COL4A4: variants seen among roughly 807,000 people sequenced by gnomAD.
COL4A4 encodes the protein collagen alpha-4(IV) chain.
A neutral mutation model predicts 192.9 loss-of-function variants in COL4A4; 105 were observed. That is an observed-to-expected ratio of 0.54 (90% confidence interval 0.46 to 0.64). The LOEUF is 0.64. Among genes scored for constraint, COL4A4 ranks in the 30% least tolerant of loss-of-function variants. The pLI is 0.00. For missense variants in COL4A4, 1,967 were observed against 2,169.3 expected, an observed-to-expected ratio of 0.91 and a Z score of 1.85; for synonymous variants, 762 against 769.9, an observed-to-expected ratio of 0.99 and a Z score of 0.17.
chr2:227,136,904 G>A (rs115820708), intron 4 of COL4A4, among the ~76,000 whole-genome samples: 16 of 120,420 alleles, frequency 1.3e-4, no homozygotes, highest in East Asian at 1.3e-3. Flanking sequence ...ATAGTCCCCC[G>A]TGAGCTGTCA....
chr2:227,033,821 A>C (rs1279218325), intron 37 of COL4A4, among the ~76,000 whole-genome samples: 1 of 152,198 alleles, frequency 6.6e-6, no homozygotes, highest in Non-Finnish European at 1.5e-5. Flanking sequence ...ATCACCCTAC[A>C]TGAGGAAAGA....
At chr2:227,102,594 C>T (rs558627338) in intron 15 of COL4A4, among the ~76,000 whole-genome samples, 195 bp downstream of exon 15, 1 of 152,152 alleles carries the variant, frequency 6.6e-6, no homozygotes, top group South Asian at 2.1e-4. Context: ...TTTTGCTTGC[C>T]TGTTTTATCT....
At chr2:227,002,668 C>T (rs889811045), downstream of COL4A4, 6 of 152,600 alleles carry the variant, frequency 3.9e-5, no homozygotes, top group African/African-American at 1.4e-4. Context: ...AAAGTAAACC[C>T]GCATTGGCTT....
intron 45 of COL4A4, 95 bp downstream of exon 45, chr2:227,012,086 G>A (rs960068962): frequency 1.0e-6 from 1 of 955,638 alleles, no homozygotes; most frequent in South Asian, 1.3e-5. Context: ...ATCTGAATAG[G>A]ATCCAGTTTG....
At position 227,039,463 on chromosome 2, in the gene COL4A4, G is replaced by A. The variant is rs577506918; in HGVS notation, c.3505+2685C>T. On this transcript the variant is annotated intron_variant, in intron 37 of 47. Transcript: ENST00000396625. ...TGTGATTACAGGCATTAGCCACCACGTCGGCCAGCTATTAGTTTTGTAATA... is the reference window on the plus strand; with the variant it reads ...TGTGATTACAGGCATTAGCCACCACATCGGCCAGCTATTAGTTTTGTAATA... 2.3e-4 allele frequency among the ~76,000 whole-genome samples: 35 copies of A among 152,282 alleles called. No homozygotes were observed. The East Asian group carries it at 3.1e-3, about 13-fold the overall frequency.
intron 20 of COL4A4, among the ~76,000 whole-genome samples, chr2:227,090,354 T>C (rs563693660): frequency 1.6e-4 from 25 of 152,184 alleles, no homozygotes; most frequent in African/African-American, 5.8e-4. Context: ...GCAGAGCTTA[T>C]AGAAATAAAA....
chr2:227,103,863 C>T (rs1326695275), intron 13 of COL4A4, 109 bp downstream of exon 13: 1 of 800,482 alleles, frequency 1.2e-6, no homozygotes, highest in Admixed American at 2.0e-5. Flanking sequence ...AGGTTTGAAA[C>T]TAGTGCAGTG....
intron 37 of COL4A4, among the ~76,000 whole-genome samples, chr2:227,037,008 A>G (rs752582066): frequency 4.6e-5 from 7 of 152,102 alleles, no homozygotes; most frequent in Non-Finnish European, 8.8e-5. Context: ...TTTCAATCTT[A>G]TATTACTTTC....
intron 12 of COL4A4, among the ~76,000 whole-genome samples, chr2:227,104,437 C>G (rs1389480827): frequency 8.9e-6 from 1 of 112,192 alleles, no homozygotes; most frequent in African/African-American, 3.8e-5. Flanking sequence ...AAAAAATTAG[C>G]CGGGCGTGGT....
intron 14 of COL4A4, 127 bp downstream of exon 14, chr2:227,103,017 G>T: frequency 9.5e-7 from 1 of 1,051,744 alleles, no homozygotes; most frequent in Non-Finnish European, 1.4e-6. Flanking sequence ...ATTATGATAA[G>T]ATAGTGAAAA....
chr2:227,037,376 G>A lies in COL4A4; in HGVS notation c.3506-3895C>T, dbSNP rs181175554. On this transcript the variant is annotated intron_variant, in intron 37 of 47. Transcript: ENST00000396625. ...CTGTGTTAGTTTGCTGAGAATGATG[G>A]TTTTCAGCTTCATCCATGTCCCTGC... Among the ~76,000 whole-genome samples the A allele has an allele frequency of 5.9e-5, 9 of 152,198 alleles. No individual in the cohort carries two copies. The East Asian group carries it at 1.5e-3, about 26-fold the overall frequency.
intron 25 of COL4A4, among the ~76,000 whole-genome samples, chr2:227,069,522 T>G (rs531332538): frequency 6.6e-6 from 1 of 151,754 alleles, no homozygotes; most frequent in Admixed American, 6.6e-5. Context: ...AAAACAGAGA[T>G]ATAGATCAAT....
chr2:226,993,893 T>C, the COL4A4 span, among the ~76,000 whole-genome samples: 66,525 of 152,124 alleles, frequency 0.44, 14,663 homozygotes, highest in South Asian at 0.58. Context: ...TATGCATAGA[T>C]GGACACATCT....
rs746238323 is a variant in COL4A4, at chr2:227,008,338, A to G, written c.4523-34T>C. On this transcript the variant is annotated intron_variant, in intron 46 of 47. Coordinates refer to ENST00000396625, the MANE Select transcript of COL4A4 (RefSeq NM_000092.5). Reference sequence around the variant, plus strand: ...GGGAAGAAGAGACAGCTGGTGTCCAAGCACCCCATGTAGGTGTTCCCAGAC... The same window carrying G: ...GGGAAGAAGAGACAGCTGGTGTCCAGGCACCCCATGTAGGTGTTCCCAGAC... 5.0e-6 allele frequency: 8 copies of G among 1,610,222 alleles called. No homozygotes were observed. The Admixed American group carries it at 6.7e-5, about 13-fold the overall frequency.
intron 12 of COL4A4, among the ~76,000 whole-genome samples, chr2:227,105,706 T>C (rs551804760): frequency 1.3e-4 from 20 of 152,240 alleles, no homozygotes; most frequent in Admixed American, 2.6e-4. Flanking sequence ...ACTATTATTC[T>C]ACACTTAGTA....
chr2:226,976,207 G>T, the COL4A4 span, among the ~76,000 whole-genome samples: 63,418 of 147,746 alleles, frequency 0.43, 13,693 homozygotes, highest in South Asian at 0.52. Flanking sequence ...GGGCAGTCCA[G>T]GTGTGGAGCT....
intron 35 of COL4A4, 69 bp downstream of exon 35, chr2:227,047,406 G>T: frequency 9.3e-7 from 1 of 1,081,068 alleles, no homozygotes; most frequent in Non-Finnish European, 1.4e-6. Flanking sequence ...TTGCCAGCTA[G>T]AAGTAATTGT....
In COL4A4 at chr2:227,032,154, G is replaced by T. The variant is rs757430966; in HGVS notation, c.3700C>A (p.Pro1234Thr). Reference sequence around the variant, plus strand: ...AAAGCATGCTACAGCTTACCTGGGGGTCCTGGGGGACCTTTCTTTCCACGA... The same window carrying T: ...AAAGCATGCTACAGCTTACCTGGGGTTCCTGGGGGACCTTTCTTTCCACGA... ...GPRGKKGPPG[P>T]PGSSGPPGPA... The change falls in exon 39 of 48, where the codon CCC becomes ACC. Residue 1234 changes from proline to threonine, a missense_variant. Physicochemically the swap from Pro to Thr is conservative, Grantham distance 38. Transcript: ENST00000396625. 3.1e-6 allele frequency: 5 copies of T among 1,614,080 alleles called. No homozygotes were observed. Among genetic ancestry groups the T allele is most frequent in the African/African-American group, 1.3e-5 (1 of 74,944 alleles).
intron 45 of COL4A4, among the ~76,000 whole-genome samples, chr2:227,011,643 T>A (rs1963730471): frequency 6.6e-6 from 1 of 152,238 alleles, no homozygotes; most frequent in Non-Finnish European, 1.5e-5. Context: ...ACACTTCTAT[T>A]CTGAAGAGTC....
Sources: gnomAD v4.1 joint callset for allele counts (sites outside exome capture counted in the v4.1 genomes callset) on GRCh38, gnomAD v4.1.1 for gene constraint, MANE v1.5 for transcripts, NCBI Gene and HGNC (gene_info 2026-07-23, HGNC 2026-07-21) for gene names.